The following TNS1 variants were observed in gnomAD, a reference collection of about 807,000 sequenced individuals.
The protein encoded by TNS1 is tensin 1.
Under a neutral mutation model 168.6 loss-of-function variants are expected in TNS1, and 62 were observed. The ratio of observed to expected loss-of-function variants is 0.37; its 90% CI spans 0.30 to 0.45. TNS1 has a LOEUF of 0.45. Ranked by LOEUF, TNS1 falls within the 20% of genes least tolerant of loss-of-function variation. The pLI is 1.00. For synonymous variants in TNS1, 934 were observed against 933.2 expected (o/e 1.00, Z -0.02); for missense variants, 2,240 against 2,339.4 (o/e 0.96, Z 0.88).
intron 1 of TNS1, among the ~76,000 whole-genome samples, chr2:218,016,546 C>T (rs181265226): frequency 2.7e-3 from 414 of 152,220 alleles, no homozygotes; most frequent in Non-Finnish European, 4.3e-3. Context: ...GAAATAGAAC[C>T]CCAGGACTCT....
chr2:217,828,495 T>A (rs1041392257), intron 22 of TNS1, among the ~76,000 whole-genome samples: 1 of 152,174 alleles, frequency 6.6e-6, no homozygotes, highest in Non-Finnish European at 1.5e-5. Context: ...CTGGAAGTGA[T>A]CACAGCACCC....
chr2:218,011,864 G>C (rs1958709692), upstream of TNS1, among the ~76,000 whole-genome samples: 1 of 152,112 alleles, frequency 6.6e-6, no homozygotes, highest in Admixed American at 6.5e-5. Flanking sequence ...GAGACATTAG[G>C]GGCCCTCATC....
intron 3 of TNS1, among the ~76,000 whole-genome samples, chr2:217,924,691 G>A (rs1450510650): frequency 3.3e-5 from 5 of 152,164 alleles, no homozygotes; most frequent in South Asian, 2.1e-4. Flanking sequence ...CTCCAAGCCC[G>A]CAGAGTCAGC....
chr2:217,891,789 C>G (rs561482270), intron 11 of TNS1, among the ~76,000 whole-genome samples: 1 of 152,150 alleles, frequency 6.6e-6, no homozygotes, highest in Non-Finnish European at 1.5e-5. Flanking sequence ...CTCAGCCCCT[C>G]GCATTCCCAT....
intron 3 of TNS1, among the ~76,000 whole-genome samples, chr2:217,945,829 G>T (rs771639978): frequency 3.9e-5 from 6 of 152,090 alleles, no homozygotes; most frequent in Non-Finnish European, 8.8e-5. Context: ...GCAGACTAAG[G>T]GCTCCTCTGG....
chr2:217,935,987 C>T (rs1054709146), intron 3 of TNS1, among the ~76,000 whole-genome samples: 1 of 152,198 alleles, frequency 6.6e-6, no homozygotes, highest in Non-Finnish European at 1.5e-5. Flanking sequence ...GAAATAAACG[C>T]TGCTGAAATT....
chr2:217,804,707 C>G, intron 32 of TNS1, 104 bp from the exon 33 acceptor site: 1 of 1,429,086 alleles, frequency 7.0e-7, no homozygotes, highest in Non-Finnish European at 9.5e-7. Context: ...AACCTCTCTT[C>G]CCCATCCCTC....
chr2:217,850,128 T>A (rs3791976), intron 18 of TNS1: 597,219 of 985,094 alleles, frequency 0.61, 182,119 homozygotes, highest in African/African-American at 0.74. Flanking sequence ...ACGCGGGTCC[T>A]GGGAAGGTAT....
At chr2:217,817,263 C>T (rs1942037573) in intron 24 of TNS1, among the ~76,000 whole-genome samples, 2 of 152,128 alleles carry the variant, frequency 1.3e-5, no homozygotes, top group South Asian at 4.2e-4. Context: ...TGATACTAGA[C>T]AAGTGACAGA....
chr2:217,970,038 A>T (rs1957740576), intron 3 of TNS1, among the ~76,000 whole-genome samples: 3 of 152,156 alleles, frequency 2.0e-5, no homozygotes, highest in Non-Finnish European at 2.9e-5. Context: ...ACATAGACAC[A>T]GAAGGAAGAT....
chr2:217,833,384 ATTCCACACG>A (rs1466294138), intron 21 of TNS1, among the ~76,000 whole-genome samples: 1 of 152,312 alleles, frequency 6.6e-6, no homozygotes, highest in African/African-American at 2.4e-5. Flanking sequence ...TGAGAGAAAA[ATTCCACACG>A]TTTCTCCACC....
Position 217,986,781 on chromosome 2 carries a change from G to A in TNS1, c.148+4161C>T, listed in dbSNP as rs1408284236. 3 of 152,126 alleles carry A rather than the reference G, an allele frequency of 2.0e-5. No homozygotes were observed. Among genetic ancestry groups the A allele is most frequent in the Non-Finnish European group, 4.4e-5 (3 of 68,152 alleles). The allele number at this position is 152,126 out of a possible 1,614,324, so 9.4% of individuals were successfully genotyped here. A position where few individuals can be genotyped will look rare whatever the true frequency, so the allele number is the denominator to read the frequency against. On this transcript the variant is annotated intron_variant, in intron 2 of 32. Transcript: ENST00000682258. This position sits in a 1 kb window ranked among gnomAD's most constrained non-coding sequence, Gnocchi z 4.7. ...CACACACGCACGCACGCACGTACCT[G>A]TGTCAGCTTTGGTACCGTGCTCCAT...
At chr2:217,819,580 G>A (rs564680045) in intron 23 of TNS1, among the ~76,000 whole-genome samples, 2 of 152,300 alleles carry the variant, frequency 1.3e-5, no homozygotes, top group Admixed American at 6.5e-5. Context: ...CACAGTCAAA[G>A]GTTCCCTTGT....
intron 3 of TNS1, among the ~76,000 whole-genome samples, chr2:217,928,518 C>G (rs1956152488): frequency 6.6e-6 from 1 of 152,216 alleles, no homozygotes; most frequent in African/African-American, 2.4e-5. Context: ...CCCAGCAACA[C>G]CAAGCCAGGG....
rs911878067 is a variant in TNS1, at chr2:217,875,378, C to A, written c.1429+5520G>T. On this transcript the variant is annotated intron_variant, in intron 18 of 32. Coordinates refer to ENST00000682258, the MANE Select transcript of TNS1 (RefSeq NM_001387777.1). ...GGGTTGCGAAAGTCTGAGAGGGAAG[C>A]CTGGCAGGCCCCTTTTAGGTCTTCA... Among the ~76,000 whole-genome samples, 15 of 152,304 alleles carry A rather than the reference C, an allele frequency of 9.8e-5. 1 individual carries two copies. The East Asian group carries it at 1.5e-3, about 16-fold the overall frequency.
intron 1 of TNS1, among the ~76,000 whole-genome samples, chr2:218,001,564 A>T (rs933098438): frequency 7.9e-5 from 12 of 152,232 alleles, no homozygotes; most frequent in African/African-American, 2.9e-4. Context: ...TCCTCAGCAC[A>T]GAGACGAACC....
upstream of TNS1, among the ~76,000 whole-genome samples, chr2:218,005,162 C>T (rs901638140): frequency 6.6e-6 from 1 of 152,256 alleles, no homozygotes; most frequent in African/African-American, 2.4e-5. Flanking sequence ...CCTGCTCCCA[C>T]AGCCCTTCAC....
chr2:217,963,861 T>C (rs932785241), intron 3 of TNS1, among the ~76,000 whole-genome samples: 1 of 138,602 alleles, frequency 7.2e-6, no homozygotes, highest in Non-Finnish European at 1.5e-5. Context: ...CTGGGCAACA[T>C]GGTGAAACCC....
chr2:217,975,321 AC>A (rs1215292247), intron 3 of TNS1, among the ~76,000 whole-genome samples: 1 of 151,572 alleles, frequency 6.6e-6, no homozygotes, highest in Non-Finnish European at 1.5e-5. Flanking sequence ...CAACATCCTG[AC>A]CCCCCAAAAC....
Sources: allele counts gnomAD v4.1 joint callset (sites outside exome capture counted in the v4.1 genomes callset), GRCh38; gene constraint gnomAD v4.1.1; non-coding constraint Gnocchi (gnomAD v3.1); transcripts MANE v1.5; gene names NCBI Gene and HGNC (gene_info 2026-07-23, HGNC 2026-07-21).